The following MYCBP variants were observed in gnomAD, a reference collection of about 807,000 sequenced individuals.
MYCBP encodes the protein C-Myc-binding protein.
Under a neutral mutation model 16.8 loss-of-function variants are expected in MYCBP, and 5 were observed. That is an observed-to-expected ratio of 0.30 (90% confidence interval 0.16 to 0.63). The LOEUF (loss-of-function observed/expected upper bound fraction) is 0.63, where lower values mean the gene tolerates loss of function less well. Among genes scored for constraint, MYCBP ranks in the 20% least tolerant of loss-of-function variants. The pLI, the probability that MYCBP is intolerant of heterozygous loss-of-function variation, is 0.83. For missense variants in MYCBP, 103 were observed against 121.8 expected, an observed-to-expected ratio of 0.85 and a Z score of 0.73; for synonymous variants, 35 against 43.7, an observed-to-expected ratio of 0.80 and a Z score of 0.79.
chr1:38,872,656 C>G (rs1642490156), intron 2 of MYCBP: 1 of 239,132 alleles, frequency 4.2e-6, no homozygotes, highest in Non-Finnish European at 8.1e-6. Flanking sequence ...TGGAGGGAAA[C>G]TTTCTTAACA....
At chr1:38,866,838 CA>C in intron 4 of MYCBP, 41 bp downstream of exon 4, 1 of 1,387,906 alleles carries the variant, frequency 7.2e-7, no homozygotes, top group Middle Eastern at 2.4e-4. Flanking sequence ...ACAATTATTA[CA>C]GGTAAAATTA....
At chr1:38,867,798 T>C (rs147696794) in intron 2 of MYCBP, among the ~76,000 whole-genome samples, 188 bp from the exon 3 acceptor site, 2 of 152,168 alleles carry the variant, frequency 1.3e-5, no homozygotes, top group East Asian at 1.9e-4. Flanking sequence ...ATAAAAGATA[T>C]GCAAGGAACT....
intron 3 of MYCBP, among the ~76,000 whole-genome samples, 175 bp from the exon 4 acceptor site, chr1:38,867,184 C>T (rs1414395540): frequency 6.6e-6 from 1 of 152,168 alleles, no homozygotes; most frequent in African/African-American, 2.4e-5. Context: ...CGGTTGCTCA[C>T]GCCTGTAATC....
In MYCBP at chr1:38,863,221, C is replaced by A. The variant is rs1642275984; in HGVS notation, c.*1449G>T. 6.6e-6 allele frequency: 1 copy of A among 152,226 alleles called. No homozygotes were observed. The highest frequency in any genetic ancestry group is 2.1e-4 in the South Asian group (1 of 4,826). 9.4% of individuals were successfully genotyped at this position (152,226 alleles called of 1,614,324 possible). A position where few individuals can be genotyped will look rare whatever the true frequency, so the allele number is the denominator to read the frequency against. On this transcript the variant is annotated 3_prime_UTR_variant, in exon 5 of 5. Transcript: ENST00000397572. ...GGCACCAGCCATAGCCACATTCCTA[C>A]TAACAGGGCTGATTTAAATGCCCTT...
chr1:38,870,993 ACT>A (rs140102426), intron 2 of MYCBP, among the ~76,000 whole-genome samples: 8,338 of 151,926 alleles, frequency 0.055, 258 homozygotes, highest in Non-Finnish European at 0.062. Flanking sequence ...TAATCCCAGC[ACT>A]CTGCGGGGCT....
intron 4 of MYCBP, among the ~76,000 whole-genome samples, chr1:38,865,287 G>A (rs1165184612): frequency 6.6e-6 from 1 of 152,212 alleles, no homozygotes; most frequent in Non-Finnish European, 1.5e-5. Context: ...TGTTGGAGTT[G>A]AGAAGCTTAT....
intron 4 of MYCBP, among the ~76,000 whole-genome samples, chr1:38,866,519 C>T (rs1161834761): frequency 1.3e-5 from 2 of 151,856 alleles, no homozygotes; most frequent in Middle Eastern, 3.2e-3. Context: ...CGGGTTCAAG[C>T]GATTCTCCTG....
rs759735395 is a variant in MYCBP, at chr1:38,864,629, TA to T, written c.*40del. ...TATACTATACAAACTATTCAAGTCATACAAAACCATTTTTCATTGTCTTTCA... is the reference window on the plus strand; with the variant it reads ...TATACTATACAAACTATTCAAGTCATCAAAACCATTTTTCATTGTCTTTCA... On this transcript the variant is annotated 3_prime_UTR_variant, in exon 5 of 5. Coordinates refer to ENST00000397572, the MANE Select transcript of MYCBP (RefSeq NM_012333.5). 14 of 1,604,314 alleles carry T rather than the reference TA, an allele frequency of 8.7e-6. No homozygotes were observed. The highest frequency in any genetic ancestry group is 1.0e-5 in the Non-Finnish European group (12 of 1,171,296).
At position 38,864,438 on chromosome 1, in the gene MYCBP, G is replaced by A. The variant is rs1642295992; in HGVS notation, c.*232C>T. Reference sequence around the variant, plus strand: ...TGTCTTTTAAGGTAATGAGTTAGATGGCTGTGTTTAGGTTTTGTTCAGGAT... The same window carrying A: ...TGTCTTTTAAGGTAATGAGTTAGATAGCTGTGTTTAGGTTTTGTTCAGGAT... On this transcript the variant is annotated 3_prime_UTR_variant, in exon 5 of 5. Coordinates refer to ENST00000397572, the MANE Select transcript of MYCBP (RefSeq NM_012333.5). 1.8e-6 allele frequency: 1 copy of A among 552,238 alleles called. No homozygotes were observed. The highest frequency in any genetic ancestry group is 3.2e-6 in the Non-Finnish European group (1 of 308,730). 34.2% of individuals were successfully genotyped at this position (552,238 alleles called of 1,614,324 possible).
intron 2 of MYCBP, 77 bp downstream of exon 2, chr1:38,872,941 T>C (rs1642497952): frequency 6.7e-7 from 1 of 1,497,746 alleles, no homozygotes; most frequent in East Asian, 2.5e-5. Context: ...TTCCCCACGC[T>C]ACGGCCCGCT....
At chr1:38,870,061 T>C (rs898256253) in intron 2 of MYCBP, among the ~76,000 whole-genome samples, 33 of 150,554 alleles carry the variant, frequency 2.2e-4, no homozygotes, top group Admixed American at 1.7e-3. Flanking sequence ...TCCCAGCTAC[T>C]TGGGAGGCTG....
chr1:38,867,620 A>G lies in MYCBP; in HGVS notation c.89-10T>C, dbSNP rs772333895. The G allele has an allele frequency of 7.4e-6, 12 of 1,611,154 alleles. No homozygotes were observed. Among genetic ancestry groups the G allele is most frequent in the Non-Finnish European group, 9.3e-6 (11 of 1,177,888 alleles). ...TATAAGGCTACCAACACTGCAAATC[A>G]AAAAGCAGAAAAAGCAACAATTGAC... On this transcript the variant is annotated splice_polypyrimidine_tract_variant and intron_variant, in intron 2 of 4. Transcript: ENST00000397572.
At chr1:38,866,682 T>A (rs1182520082) in intron 4 of MYCBP, among the ~76,000 whole-genome samples, 198 bp downstream of exon 4, 1 of 152,224 alleles carries the variant, frequency 6.6e-6, no homozygotes, top group Non-Finnish European at 1.5e-5. Context: ...CCCAAAGTGC[T>A]GGGATTACAG....
At position 38,867,610 on chromosome 1, in the gene MYCBP, A is replaced by G. The variant is rs917528066; in HGVS notation, c.89T>C (p.Val30Ala). 9 of 1,613,616 alleles carry G rather than the reference A, an allele frequency of 5.6e-6. No homozygotes were observed. Among genetic ancestry groups the G allele is most frequent in the Non-Finnish European group, 7.6e-6 (9 of 1,179,788 alleles). ...TGGTTCTTCATATAAGGCTACCAAC[A>G]CTGCAAATCAAAAAGCAGAAAAAGC... ...KSGVLDTLTK[V>A]LVALYEEPEK... The change falls in exon 3 of 5, where the codon GTG becomes GCG. Residue 30 changes from valine (V) to alanine (A), a missense_variant and splice_region_variant. By Grantham distance (64) the Val-to-Ala change is moderately conservative (BLOSUM62 0). Transcript: ENST00000397572.
chr1:38,868,548 G>A (rs909039680), intron 2 of MYCBP, among the ~76,000 whole-genome samples: 2 of 152,110 alleles, frequency 1.3e-5, no homozygotes, highest in African/African-American at 4.8e-5. Context: ...TAAATCAGTG[G>A]TTGGCCTTTT....
At chr1:38,872,262 GAC>G (rs1642480566) in intron 2 of MYCBP, among the ~76,000 whole-genome samples, 1 of 152,160 alleles carries the variant, frequency 6.6e-6, no homozygotes, top group Non-Finnish European at 1.5e-5. Flanking sequence ...TGAGTTGAGT[GAC>G]ACATAGCAGG....
chr1:38,871,404 T>G (rs1642463492), intron 2 of MYCBP, among the ~76,000 whole-genome samples: 1 of 148,966 alleles, frequency 6.7e-6, no homozygotes, highest in South Asian at 2.1e-4. Flanking sequence ...CTATATAAAA[T>G]GACACACACA....
chr1:38,867,570 A>C lies in MYCBP; in HGVS notation c.129T>G (p.Ser43Arg), dbSNP rs1182436799. ...ALYEEPEKPN[S>R]ALDFLKHHLG... ...CTGACTTGAAAGGATACTCCAAAGC[A>C]CTGTTAGGTTTCTCTGGTTCTTCAT... The change falls in exon 3 of 5, where the codon AGT (serine) becomes AGG (arginine). Residue 43 changes from serine (S) to arginine (R), a missense_variant. Coordinates refer to ENST00000397572, the MANE Select transcript of MYCBP (RefSeq NM_012333.5). The C allele has an allele frequency of 1.9e-6, 3 of 1,613,658 alleles. No homozygotes were observed. Among genetic ancestry groups the C allele is most frequent in the Non-Finnish European group, 2.5e-6 (3 of 1,179,848 alleles).
intron 2 of MYCBP, among the ~76,000 whole-genome samples, chr1:38,871,139 G>A (rs1416317279): frequency 1.3e-5 from 2 of 152,100 alleles, no homozygotes; most frequent in Non-Finnish European, 2.9e-5. Flanking sequence ...TACTTGGAAG[G>A]CTGAGGCAAC....
Sources: allele counts gnomAD v4.1 joint callset (sites outside exome capture counted in the v4.1 genomes callset), GRCh38; gene constraint gnomAD v4.1.1; transcripts MANE v1.5; gene names NCBI Gene and HGNC (gene_info 2026-07-23, HGNC 2026-07-21).